Variants in PCSK5 observed in about 807,000 individuals in gnomAD.
The protein encoded by PCSK5 is prohormone convertase 5.
Under a neutral mutation model 233.2 loss-of-function variants are expected in PCSK5, and 129 were observed. The ratio of observed to expected loss-of-function variants is 0.55; its 90% CI spans 0.48 to 0.64. PCSK5 has a LOEUF of 0.64. Ranked by LOEUF, PCSK5 falls within the 30% of genes least tolerant of loss-of-function variation. PCSK5 has a pLI of 0.00. For missense variants in PCSK5, 2,076 were observed against 2,430.1 expected (o/e 0.85, Z 3.06); for synonymous variants, 825 against 879.2 (o/e 0.94, Z 1.09).
intron 2 of PCSK5, among the ~76,000 whole-genome samples, chr9:75,981,100 T>G (rs1826255244): frequency 6.6e-6 from 1 of 152,228 alleles, no homozygotes; most frequent in African/African-American, 2.4e-5. Context: ...TTCATTCAAA[T>G]CATAGAGTAA....
intron 3 of PCSK5, among the ~76,000 whole-genome samples, chr9:76,007,880 C>T (rs1243472783): frequency 6.8e-6 from 1 of 147,998 alleles, no homozygotes. Context: ...ATGGTTTAGC[C>T]ATGTTGCCCA....
At chr9:76,126,609 A>T (rs532226687) in intron 9 of PCSK5, among the ~76,000 whole-genome samples, 1 of 152,138 alleles carries the variant, frequency 6.6e-6, no homozygotes, top group African/African-American at 2.4e-5. Context: ...GTGAAACTCC[A>T]TCTCAAAAAA....
At chr9:76,270,846 A>T (rs1827489461) in intron 24 of PCSK5, among the ~76,000 whole-genome samples, 1 of 152,218 alleles carries the variant, frequency 6.6e-6, no homozygotes. Context: ...ACAGGGGAGT[A>T]GGGAAATCAC....
chr9:75,986,178 A>G lies in PCSK5; in HGVS notation c.344A>G (p.Asp115Gly), dbSNP rs1267113296. The G allele has an allele frequency of 1.9e-6, 3 of 1,613,934 alleles. No homozygotes were observed. Among genetic ancestry groups the G allele is most frequent in the Non-Finnish European group, 2.5e-6 (3 of 1,179,780 alleles). Residue 115 changes from aspartate (D) to glycine (G), a missense_variant, in exon 3 of 38, where the codon GAT becomes GGT. This residue lies in a region of PCSK5 where 190 missense variants were observed against 216.3 expected (regional missense o/e 0.88). Transcript: ENST00000674117. ...QQVVKKRTKRDYDFSRAQSTY... is the reference protein window; with the variant it reads ...QQVVKKRTKRGYDFSRAQSTY... ...GTGGTAAAAAAGCGGACAAAGAGGG[A>G]TTATGACTTCAGTCGTGCCCAGTCT...
At chr9:76,112,022 C>T (rs1438309908) in intron 9 of PCSK5, among the ~76,000 whole-genome samples, 3 of 152,104 alleles carry the variant, frequency 2.0e-5, no homozygotes, top group African/African-American at 7.2e-5. Flanking sequence ...CACCCATCTG[C>T]AATTATTAGC....
At chr9:76,193,678 C>T (rs776116025) in intron 20 of PCSK5, 1 of 203,790 alleles carries the variant, frequency 4.9e-6, no homozygotes, top group Non-Finnish European at 9.7e-6. Flanking sequence ...GATTTGATTT[C>T]CTGCCCTGGT....
intron 3 of PCSK5, among the ~76,000 whole-genome samples, chr9:75,994,123 A>G (rs1826892155): frequency 6.6e-6 from 1 of 152,070 alleles, no homozygotes; most frequent in Admixed American, 6.5e-5. Flanking sequence ...ACTCCTCTGC[A>G]CTTTTCCGAA....
intron 24 of PCSK5, among the ~76,000 whole-genome samples, chr9:76,282,057 T>C (rs1369043641): frequency 2.0e-5 from 3 of 147,282 alleles, no homozygotes; most frequent in Non-Finnish European, 3.0e-5. Context: ...GCACCATTTT[T>C]TTCTTTCTTT....
intron 2 of PCSK5, among the ~76,000 whole-genome samples, chr9:75,983,795 A>T (rs1340509): frequency 0.73 from 110,757 of 152,122 alleles, 40,714 homozygotes; most frequent in East Asian, 0.83. Flanking sequence ...TATAATGCAT[A>T]ACCTCTGGCT....
chr9:76,188,630 GGCCAGGACT>G lies in PCSK5; in HGVS notation c.2341_2349del (p.Asp781_Gln783del). On this transcript the variant is annotated inframe_deletion, in exon 18 of 38. Transcript: ENST00000674117. The stretch of plus-strand genomic sequence containing the variant: ...CTGTGAAGATGGACGGTATTTCAAC[GGCCAGGACT>G]GCCAGCCCTGCCACCGCTTCTGCGC... The G allele has an allele frequency of 6.2e-7, 1 of 1,613,790 alleles. No homozygotes were observed. Among genetic ancestry groups the G allele is most frequent in the African/African-American group, 1.3e-5 (1 of 74,998 alleles).
At chr9:76,119,701 A>T (rs1011636173) in intron 9 of PCSK5, among the ~76,000 whole-genome samples, 31 of 151,936 alleles carry the variant, frequency 2.0e-4, no homozygotes, top group African/African-American at 6.8e-4. Context: ...GGGGTCCATG[A>T]GGTGCTTTGA....
intron 6 of PCSK5, among the ~76,000 whole-genome samples, chr9:76,070,296 G>A (rs527427248): frequency 6.6e-5 from 10 of 152,188 alleles, no homozygotes; most frequent in Non-Finnish European, 8.8e-5. Flanking sequence ...CACCGCACCC[G>A]TCCCCAAAAT....
At chr9:75,903,839 C>A (rs1826157426) in intron 1 of PCSK5, among the ~76,000 whole-genome samples, 1 of 151,374 alleles carries the variant, frequency 6.6e-6, no homozygotes, top group Admixed American at 6.6e-5. Flanking sequence ...ATCCCAGGGC[C>A]TATAATTTTA....
chr9:75,924,545 T>C (rs753186982), intron 1 of PCSK5, among the ~76,000 whole-genome samples: 1 of 152,120 alleles, frequency 6.6e-6, no homozygotes, highest in African/African-American at 2.4e-5. Flanking sequence ...GAAACACTAA[T>C]GTAAGTTCTC....
At position 76,332,610 on chromosome 9, in the gene PCSK5, G is replaced by A. The variant is rs760683415; in HGVS notation, c.4748G>A (p.Gly1583Glu). 6.4e-7 allele frequency: 1 copy of A among 1,570,454 alleles called. No individual in the cohort carries two copies. The highest frequency in any genetic ancestry group is 1.2e-5 in the South Asian group (1 of 86,670). The change falls in exon 34 of 38, where the codon GGA (glycine) becomes GAA (glutamate). Residue 1583 changes from glycine (G) to glutamate (E), a missense_variant and splice_region_variant. Transcript: ENST00000674117. The part of the protein sequence containing the change: ...GKECLLQCRE[G>E]YYADNSTGRC... ...GAGTGCCTGCTCCAGTGCAGGGAAG[G>A]GTAAGTGCTCAATACATTTTCCCCC...
intron 10 of PCSK5, among the ~76,000 whole-genome samples, chr9:76,144,272 TC>T (rs1223854437): frequency 6.6e-6 from 1 of 151,912 alleles, no homozygotes; most frequent in Non-Finnish European, 1.5e-5. Flanking sequence ...CAGGAAATCA[TC>T]CGCTTCTTTT....
chr9:76,315,795 A>G (rs1186039711), intron 30 of PCSK5, among the ~76,000 whole-genome samples: 2 of 151,630 alleles, frequency 1.3e-5, no homozygotes, highest in African/African-American at 4.8e-5. Context: ...ATCAAGCTCG[A>G]CTAATTTTTG....
chr9:76,229,352 T>G (rs1564122376), intron 21 of PCSK5, among the ~76,000 whole-genome samples: 1 of 152,232 alleles, frequency 6.6e-6, no homozygotes, highest in Non-Finnish European at 1.5e-5. Flanking sequence ...TTTACAATTT[T>G]ATAAACCACT....
rs941816759 is a variant in PCSK5 at position 76,025,279 on chromosome 9, G to A, written c.555+1398G>A. Among the ~76,000 whole-genome samples the A allele has an allele frequency of 2.0e-5, 3 of 152,072 alleles. No individual in the cohort carries two copies. The South Asian group carries it at 6.2e-4, about 32-fold the overall frequency. On this transcript the variant is annotated intron_variant, in intron 4 of 37. Coordinates refer to ENST00000674117, the MANE Select transcript of PCSK5 (RefSeq NM_001372043.1). ...AAGAACATTCAGGCTAGGTGCAGTGGCTCACACCTGTAATTCTAGTGTTTT... is the reference window on the plus strand; with the variant it reads ...AAGAACATTCAGGCTAGGTGCAGTGACTCACACCTGTAATTCTAGTGTTTT...
Sources: gnomAD v4.1 joint callset for allele counts (sites outside exome capture counted in the v4.1 genomes callset) on GRCh38, gnomAD v4.1.1 for gene constraint, gnomAD v4.1.1 regional missense constraint, MANE v1.5 for transcripts, NCBI Gene and HGNC (gene_info 2026-07-23, HGNC 2026-07-21) for gene names.